The following FNDC3A variants were observed in gnomAD, a reference collection of about 807,000 sequenced individuals.
FNDC3A encodes the protein fibronectin type III domain containing 3A, also known as fibronectin type-III domain-containing protein 3A.
A neutral mutation model predicts 148.9 loss-of-function variants in FNDC3A; 32 were observed. The observed-to-expected ratio is 0.21, with a 90% CI of 0.16 to 0.29. The LOEUF (loss-of-function observed/expected upper bound fraction) is 0.29. FNDC3A is among the 10% of genes least tolerant of loss of function. FNDC3A has a pLI of 1.00. For synonymous variants in FNDC3A, 472 were observed against 473.6 expected, an observed-to-expected ratio of 1.00 and a Z score of 0.04; for missense variants, 1,191 against 1,452.8, an observed-to-expected ratio of 0.82 and a Z score of 2.93.
chr13:48,995,148 C>T (rs1952000337), intron 1 of FNDC3A, among the ~76,000 whole-genome samples: 2 of 152,170 alleles, frequency 1.3e-5, no homozygotes, highest in Admixed American at 1.3e-4. Context: ...CTCCTGGACT[C>T]AGGTGGTCCT....
rs1457688999 is a variant in FNDC3A at position 49,209,201 on chromosome 13, G to C, written c.*1806G>C. 1 of 152,584 alleles carries C rather than the reference G, an allele frequency of 6.6e-6. No individual in the cohort carries two copies. Among genetic ancestry groups the C allele is most frequent in the Non-Finnish European group, 1.5e-5 (1 of 68,020 alleles). 9.5% of individuals were successfully genotyped at this position (152,584 alleles called of 1,614,324 possible). The stretch of plus-strand genomic sequence containing the variant: ...ATGAGTCTGAGTGTAATAGCCCAGA[G>C]ATTTATATATAGTTGAATGTCTAAA... On this transcript the variant is annotated 3_prime_UTR_variant, in exon 26 of 26. Transcript: ENST00000492622.
chr13:49,160,907 A>G (rs1335708931), intron 8 of FNDC3A, among the ~76,000 whole-genome samples: 2 of 152,136 alleles, frequency 1.3e-5, no homozygotes, highest in African/African-American at 4.8e-5. Flanking sequence ...GAGGTTGTTC[A>G]GTTTCCATGT....
intron 3 of FNDC3A, among the ~76,000 whole-genome samples, 173 bp from the exon 4 acceptor site, chr13:49,114,482 T>A (rs1446808282): frequency 6.8e-6 from 1 of 147,052 alleles, no homozygotes; most frequent in Non-Finnish European, 1.5e-5. Flanking sequence ...ATTTGTGCAC[T>A]TTACAAGATA....
At chr13:49,029,837 C>T (rs2137661325) in intron 2 of FNDC3A, among the ~76,000 whole-genome samples, 1 of 152,194 alleles carries the variant, frequency 6.6e-6, no homozygotes, top group South Asian at 2.1e-4. Flanking sequence ...TGAACAGTTG[C>T]ATGCCAACAA....
intron 2 of FNDC3A, among the ~76,000 whole-genome samples, chr13:49,028,774 C>T (rs1247744795): frequency 1.3e-5 from 2 of 152,068 alleles, no homozygotes; most frequent in Non-Finnish European, 1.5e-5. Flanking sequence ...GAGAAATAGA[C>T]AATTGAACAA....
chr13:49,161,746 TG>T (rs1456891982), intron 8 of FNDC3A, among the ~76,000 whole-genome samples: 2 of 152,228 alleles, frequency 1.3e-5, no homozygotes, highest in African/African-American at 4.8e-5. Flanking sequence ...CTGGTACTGA[TG>T]GTTCCTTTCC....
chr13:49,051,752 C>A (rs1173800570), intron 2 of FNDC3A, among the ~76,000 whole-genome samples: 1 of 152,158 alleles, frequency 6.6e-6, no homozygotes, highest in African/African-American at 2.4e-5. Context: ...CCTTGACTAT[C>A]CCCTCAAATA....
chr13:48,984,831 C>T (rs1247090736), intron 1 of FNDC3A, among the ~76,000 whole-genome samples: 3 of 151,888 alleles, frequency 2.0e-5, no homozygotes, highest in Admixed American at 2.0e-4. Flanking sequence ...ATTACAGGTG[C>T]CCACCACCAC....
chr13:49,206,423 C>T (rs75064468), intron 25 of FNDC3A, among the ~76,000 whole-genome samples: 286 of 152,016 alleles, frequency 1.9e-3, no homozygotes, highest in African/African-American at 6.6e-3. Context: ...TTGCCAAGGT[C>T]TGATTTTTCA....
intron 4 of FNDC3A, among the ~76,000 whole-genome samples, chr13:49,119,010 G>A (rs1881153669): frequency 6.6e-6 from 1 of 152,190 alleles, no homozygotes; most frequent in African/African-American, 2.4e-5. Flanking sequence ...CTCTGCTAAG[G>A]GACACATTGC....
chr13:49,203,326 C>T (rs747050087), intron 25 of FNDC3A, 42 bp downstream of exon 25: 2 of 1,469,104 alleles, frequency 1.4e-6, no homozygotes, highest in East Asian at 2.3e-5. Flanking sequence ...TATTTTTACC[C>T]TTTTTTAATT....
At chr13:49,190,177 C>T (rs148406311) in intron 17 of FNDC3A, among the ~76,000 whole-genome samples, 7 of 152,206 alleles carry the variant, frequency 4.6e-5, no homozygotes, top group East Asian at 3.9e-4. Flanking sequence ...TGAGCCACCG[C>T]GCCCGGCCCA....
chr13:49,129,041 A>G (rs567812180), intron 4 of FNDC3A, among the ~76,000 whole-genome samples: 1 of 152,348 alleles, frequency 6.6e-6, no homozygotes, highest in South Asian at 2.1e-4. Context: ...TAAGTAACTT[A>G]CTTGTTGTGT....
At chr13:49,032,704 C>T (rs1223419490) in intron 2 of FNDC3A, among the ~76,000 whole-genome samples, 2 of 152,034 alleles carry the variant, frequency 1.3e-5, no homozygotes, top group African/African-American at 4.8e-5. Flanking sequence ...CCACTGCACT[C>T]CAGCCTGGGC....
intron 2 of FNDC3A, among the ~76,000 whole-genome samples, chr13:49,072,821 C>T (rs1246871379): frequency 6.7e-6 from 1 of 149,998 alleles, no homozygotes; most frequent in Admixed American, 6.8e-5. Flanking sequence ...TTGTGTCCTA[C>T]ACCTTTACTA....
At chr13:49,073,538 C>T (rs1176330880) in intron 2 of FNDC3A, among the ~76,000 whole-genome samples, 1 of 151,602 alleles carries the variant, frequency 6.6e-6, no homozygotes, top group African/African-American at 2.4e-5. Context: ...AGGTTACAAT[C>T]AAAACACAGT....
chr13:48,989,855 G>T (rs958639137), intron 1 of FNDC3A, among the ~76,000 whole-genome samples: 1 of 151,818 alleles, frequency 6.6e-6, no homozygotes, highest in Non-Finnish European at 1.5e-5. Context: ...AGGTTCAAGC[G>T]ATTCTCCTGC....
rs1427212048 is a variant in FNDC3A at position 49,174,533 on chromosome 13, A to G, written c.1329A>G (p.Leu443=). The change falls in exon 12 of 26, where the codon CTA becomes CTG. Residue 443 remains leucine (L), a synonymous_variant. Transcript: ENST00000492622. ...CAGCAATGGGCTGTAAATTCAGACT[A>G]TCGGCCAGAAATGACTATGGTACAA... ...LSPAMGCKFR[L]SARNDYGTSG... 12 of 1,612,824 alleles carry G rather than the reference A, an allele frequency of 7.4e-6. No homozygotes were observed. Among genetic ancestry groups the G allele is most frequent in the South Asian group, 2.2e-5 (2 of 91,008 alleles).
intron 3 of FNDC3A, among the ~76,000 whole-genome samples, chr13:49,086,371 A>G (rs1878817177): frequency 6.6e-6 from 1 of 152,188 alleles, no homozygotes; most frequent in Admixed American, 6.5e-5. Flanking sequence ...TTGTGCATAT[A>G]CTGAAATGAG....
Sources: allele counts gnomAD v4.1 joint callset (sites outside exome capture counted in the v4.1 genomes callset), GRCh38; gene constraint gnomAD v4.1.1; transcripts MANE v1.5; gene names NCBI Gene and HGNC (gene_info 2026-07-23, HGNC 2026-07-21).